Variants in EGFR observed in about 807,000 individuals in gnomAD.
EGFR encodes the protein epidermal growth factor receptor.
A neutral mutation model predicts 143.0 loss-of-function variants in EGFR; 58 were observed. The ratio of observed to expected loss-of-function variants is 0.41; its 90% CI spans 0.33 to 0.50. The LOEUF (loss-of-function observed/expected upper bound fraction) is 0.50, where lower values mean the gene tolerates loss of function less well. Ranked by LOEUF, EGFR falls within the 20% of genes least tolerant of loss-of-function variation. EGFR has a pLI of 0.39. For synonymous variants in EGFR, 613 were observed against 594.4 expected (o/e 1.03, Z -0.45); for missense variants, 1,307 against 1,579.0 (o/e 0.83, Z 2.92).
intron 1 of EGFR, among the ~76,000 whole-genome samples, chr7:55,113,341 C>CT (rs1275409939): frequency 1.3e-5 from 2 of 152,162 alleles, no homozygotes; most frequent in African/African-American, 4.8e-5. Flanking sequence ...ATGGTATTGC[C>CT]TCGATAATCC....
Position 55,019,204 on chromosome 7 carries a change from AC to A in EGFR, c.-72del. Reference sequence around the variant, plus strand: ...TCCCCGCCTCGCCGCCAACGCCACAACCACCGCGCACGGCCCCCTGACTCCG... The same window carrying A: ...TCCCCGCCTCGCCGCCAACGCCACAACACCGCGCACGGCCCCCTGACTCCG... On this transcript the variant is annotated 5_prime_UTR_variant, in exon 1 of 28. Coordinates refer to ENST00000275493, the MANE Select transcript of EGFR (RefSeq NM_005228.5). 8.0e-7 allele frequency: 1 copy of A among 1,252,774 alleles called. No homozygotes were observed. The highest frequency in any genetic ancestry group is 3.4e-5 in the East Asian group (1 of 29,228). The allele number at this position is 1,252,774 out of a possible 1,614,324, so 77.6% of individuals were successfully genotyped here.
intron 1 of EGFR, among the ~76,000 whole-genome samples, chr7:55,127,338 C>G (rs1189860892): frequency 6.6e-6 from 1 of 152,160 alleles, no homozygotes; most frequent in Non-Finnish European, 1.5e-5. Flanking sequence ...TTTCACCAAC[C>G]ATCTAAATGT....
At chr7:55,178,412 G>A (rs1786701062) in intron 19 of EGFR, among the ~76,000 whole-genome samples, 1 of 152,220 alleles carries the variant, frequency 6.6e-6, no homozygotes, top group Non-Finnish European at 1.5e-5. Flanking sequence ...TCTAAAGTCT[G>A]TTAACTGGAG....
intron 1 of EGFR, among the ~76,000 whole-genome samples, chr7:55,055,729 A>ACG (rs1402227990): frequency 6.7e-6 from 1 of 150,018 alleles, no homozygotes; most frequent in Non-Finnish European, 1.5e-5. Context: ...CACACCACAC[A>ACG]CACACACACA....
chr7:55,194,429 T>C (rs1787534129), intron 22 of EGFR, among the ~76,000 whole-genome samples: 1 of 152,226 alleles, frequency 6.6e-6, no homozygotes, highest in East Asian at 1.9e-4. Context: ...GGTTTCACTA[T>C]GTTGGCCAGG....
At position 55,205,964 on chromosome 7, in the gene EGFR, T is replaced by C. The variant is rs1788093643; in HGVS notation, c.*347T>C. The C allele has an allele frequency of 2.4e-6, 1 of 410,526 alleles. No individual in the cohort carries two copies. The highest frequency in any genetic ancestry group is 4.5e-6 in the Non-Finnish European group (1 of 223,556). The allele number at this position is 410,526 out of a possible 1,614,324, so 25.4% of individuals were successfully genotyped here. A position where few individuals can be genotyped will look rare whatever the true frequency, so the allele number is the denominator to read the frequency against. Reference sequence around the variant, plus strand: ...GGATCTTGGAGTTTTTCATTGTCGCTATTGATTTTTACTTCAATGGGCTCT... The same window carrying C: ...GGATCTTGGAGTTTTTCATTGTCGCCATTGATTTTTACTTCAATGGGCTCT... On this transcript the variant is annotated 3_prime_UTR_variant, in exon 28 of 28. Transcript: ENST00000275493.
chr7:55,112,961 A>T (rs1306235885), intron 1 of EGFR, among the ~76,000 whole-genome samples: 1 of 152,212 alleles, frequency 6.6e-6, no homozygotes, highest in Non-Finnish European at 1.5e-5. Context: ...AGAGATAGTC[A>T]TCAAGGAAGA....
At chr7:55,138,043 T>A (rs985678462) in intron 1 of EGFR, among the ~76,000 whole-genome samples, 2 of 152,216 alleles carry the variant, frequency 1.3e-5, no homozygotes, top group East Asian at 3.8e-4. Flanking sequence ...TGAAGTATAG[T>A]GATATCTCTA....
At chr7:55,202,841 C>T (rs972259168) in intron 27 of EGFR, 14 of 687,692 alleles carry the variant, frequency 2.0e-5, no homozygotes, top group African/African-American at 1.9e-4. Context: ...TGCTGTACCT[C>T]TGTTGTAAGA....
intron 1 of EGFR, among the ~76,000 whole-genome samples, chr7:55,117,428 A>T (rs994409778): frequency 6.6e-6 from 1 of 152,180 alleles, no homozygotes; most frequent in Non-Finnish European, 1.5e-5. Flanking sequence ...TTCAATTAGC[A>T]TGTTATAGGT....
At chr7:55,153,529 T>C (rs1285101443) in intron 6 of EGFR, among the ~76,000 whole-genome samples, 1 of 152,234 alleles carries the variant, frequency 6.6e-6, no homozygotes, top group Non-Finnish European at 1.5e-5. Flanking sequence ...GAGAAGACTG[T>C]GCGTGGGGTT....
At chr7:55,176,027 G>A (rs377060738) in intron 19 of EGFR, among the ~76,000 whole-genome samples, 1 of 152,326 alleles carries the variant, frequency 6.6e-6, no homozygotes, top group East Asian at 1.9e-4. Flanking sequence ...TCAAGTCCTA[G>A]TAACAAAATG....
intron 1 of EGFR, among the ~76,000 whole-genome samples, chr7:55,038,083 G>A (rs1446057609): frequency 1.3e-5 from 2 of 152,132 alleles, no homozygotes; most frequent in South Asian, 2.1e-4. Context: ...TCAAAACCTT[G>A]GTCTGAAAAG....
At chr7:55,021,501 C>G (rs1388373084) in intron 1 of EGFR, among the ~76,000 whole-genome samples, 1 of 152,240 alleles carries the variant, frequency 6.6e-6, no homozygotes, top group Non-Finnish European at 1.5e-5. Flanking sequence ...CTGTTTGTCC[C>G]GCATTCACTC....
At chr7:55,063,053 A>G (rs558422268) in intron 1 of EGFR, among the ~76,000 whole-genome samples, 7 of 152,290 alleles carry the variant, frequency 4.6e-5, no homozygotes, top group African/African-American at 1.7e-4. Context: ...AGGCAAGCTC[A>G]GGGTTGTCAG....
chr7:55,128,259 C>A (rs1209204810), intron 1 of EGFR, among the ~76,000 whole-genome samples: 1 of 152,220 alleles, frequency 6.6e-6, no homozygotes, highest in African/African-American at 2.4e-5. Context: ...CTTTGCGGTT[C>A]ATTTCTAATT....
chr7:55,108,974 T>C (rs1584058469), intron 1 of EGFR, among the ~76,000 whole-genome samples: 1 of 152,120 alleles, frequency 6.6e-6, no homozygotes, highest in East Asian at 1.9e-4. Flanking sequence ...TATGTAAACA[T>C]ATAAATCAGC....
intron 1 of EGFR, among the ~76,000 whole-genome samples, chr7:55,118,162 T>C (rs942651560): frequency 6.6e-6 from 1 of 152,218 alleles, no homozygotes; most frequent in African/African-American, 2.4e-5. Flanking sequence ...TTGCCAGTGC[T>C]TCTGAAATTA....
chr7:55,063,683 C>T (rs1301212853), intron 1 of EGFR, among the ~76,000 whole-genome samples: 1 of 152,066 alleles, frequency 6.6e-6, no homozygotes, highest in Non-Finnish European at 1.5e-5. Flanking sequence ...TGGGCATGGA[C>T]GTAAATACTG....
Sources: allele counts gnomAD v4.1 joint callset (sites outside exome capture counted in the v4.1 genomes callset), GRCh38; gene constraint gnomAD v4.1.1; transcripts MANE v1.5; gene names NCBI Gene and HGNC (gene_info 2026-07-23, HGNC 2026-07-21).